NKAIN2: variants seen among roughly 807,000 people sequenced by gnomAD.
The protein encoded by NKAIN2 is sodium/potassium transporting ATPase interacting 2.
In NKAIN2, 14 loss-of-function variants were observed where a neutral mutation model predicts 32.6. That is an observed-to-expected ratio of 0.43 (90% CI 0.28 to 0.67). The LOEUF (loss-of-function observed/expected upper bound fraction) is 0.67, where lower values mean the gene tolerates loss of function less well. Among genes scored for constraint, NKAIN2 ranks in the 30% least tolerant of loss-of-function variants. The pLI, the probability that NKAIN2 is intolerant of heterozygous loss-of-function variation, is 0.17. For missense variants in NKAIN2, 198 were observed against 258.3 expected (o/e 0.77, Z 1.60); for synonymous variants, 80 against 87.2 (o/e 0.92, Z 0.46).
At chr6:124,268,541 T>C (rs1794607315) in intron 1 of NKAIN2, among the ~76,000 whole-genome samples, 1 of 151,422 alleles carries the variant, frequency 6.6e-6, no homozygotes, top group Non-Finnish European at 1.5e-5. Flanking sequence ...GAAAAAAAAC[T>C]CTATTACTTA....
intron 4 of NKAIN2, among the ~76,000 whole-genome samples, chr6:124,774,246 G>A (rs1483764777): frequency 6.6e-6 from 1 of 152,152 alleles, no homozygotes; most frequent in Non-Finnish European, 1.5e-5. Context: ...GGAGACAGCA[G>A]TGTAGATGGT....
Position 124,658,169 on chromosome 6 carries a change from A to T in NKAIN2, c.274-17A>T. ...TTTATAAAGTAATTCTCATCCTTGT[A>T]AATTGCCTTCTTGCAGGAAACAGAC... On this transcript the variant is annotated splice_polypyrimidine_tract_variant and intron_variant, in intron 3 of 6. Transcript: ENST00000368417. The T allele has an allele frequency of 6.4e-7, 1 of 1,557,444 alleles. No individual in the cohort carries two copies. Among genetic ancestry groups the T allele is most frequent in the Non-Finnish European group, 8.7e-7 (1 of 1,144,596 alleles).
intron 1 of NKAIN2, among the ~76,000 whole-genome samples, chr6:123,948,597 A>ATTTTTTTTTTT (rs71021472): frequency 1.6e-4 from 8 of 49,318 alleles, no homozygotes; most frequent in Non-Finnish European, 2.9e-4. Context: ...CTTAAATGGG[A>ATTTTTTTTTTT]TTTTTTTTTT....
chr6:124,135,007 A>G (rs957200314), intron 1 of NKAIN2, among the ~76,000 whole-genome samples: 1 of 152,150 alleles, frequency 6.6e-6, no homozygotes, highest in Non-Finnish European at 1.5e-5. Context: ...CTCAAACAAA[A>G]CAATTGGCAG....
intron 1 of NKAIN2, among the ~76,000 whole-genome samples, chr6:124,036,605 A>T (rs986762977): frequency 6.6e-6 from 1 of 152,052 alleles, no homozygotes; most frequent in African/African-American, 2.4e-5. Flanking sequence ...TCATCAGCTA[A>T]TCTCTCTCGT....
intron 3 of NKAIN2, among the ~76,000 whole-genome samples, chr6:124,453,589 C>T (rs1220765894): frequency 1.3e-5 from 2 of 151,948 alleles, no homozygotes; most frequent in African/African-American, 4.8e-5. Flanking sequence ...AATTCAGAGA[C>T]TATTAAAAGA....
chr6:124,784,131 A>G (rs184467327), intron 4 of NKAIN2, among the ~76,000 whole-genome samples: 3 of 152,316 alleles, frequency 2.0e-5, no homozygotes, highest in Admixed American at 1.3e-4. Context: ...AAACATAAAT[A>G]GAACTGTCCT....
intron 3 of NKAIN2, among the ~76,000 whole-genome samples, chr6:124,443,994 G>A (rs1034195936): frequency 4.0e-5 from 6 of 151,800 alleles, no homozygotes; most frequent in Admixed American, 1.3e-4. Flanking sequence ...GTATATAGCA[G>A]AGTTTTGGTT....
chr6:124,317,037 T>A (rs918922712), intron 2 of NKAIN2, among the ~76,000 whole-genome samples: 2 of 152,092 alleles, frequency 1.3e-5, no homozygotes, highest in African/African-American at 4.8e-5. Context: ...CGGTTGCATG[T>A]GCTTATAGTC....
intron 3 of NKAIN2, among the ~76,000 whole-genome samples, chr6:124,414,780 A>G (rs1343932298): frequency 6.6e-6 from 1 of 152,130 alleles, no homozygotes; most frequent in African/African-American, 2.4e-5. Context: ...TAAGTATTGA[A>G]TATGTTAGTC....
chr6:124,472,867 A>G (rs924093061), intron 3 of NKAIN2, among the ~76,000 whole-genome samples: 2 of 152,202 alleles, frequency 1.3e-5, no homozygotes, highest in African/African-American at 4.8e-5. Context: ...TTTTTTATGT[A>G]AAGAAAGAGA....
intron 2 of NKAIN2, among the ~76,000 whole-genome samples, chr6:124,311,454 T>C (rs1796710076): frequency 6.6e-6 from 1 of 152,152 alleles, no homozygotes; most frequent in African/African-American, 2.4e-5. Flanking sequence ...GATATGCTTC[T>C]GGGCCACCCT....
chr6:123,999,023 C>CAT (rs1779766059), intron 1 of NKAIN2, among the ~76,000 whole-genome samples: 1 of 151,288 alleles, frequency 6.6e-6, no homozygotes, highest in South Asian at 2.1e-4. Flanking sequence ...AGGAGCAAAG[C>CAT]ATAGGCTACT....
chr6:124,563,720 C>T (rs941177715), intron 3 of NKAIN2, among the ~76,000 whole-genome samples: 12 of 152,230 alleles, frequency 7.9e-5, no homozygotes, highest in African/African-American at 2.4e-4. Flanking sequence ...TGCAGTGGTG[C>T]GATTGCGATC....
chr6:124,316,514 T>C (rs1288836493), intron 2 of NKAIN2, among the ~76,000 whole-genome samples: 4 of 152,132 alleles, frequency 2.6e-5, no homozygotes. Flanking sequence ...GTTTATACAC[T>C]GAGTGTCCAA....
At position 124,713,089 on chromosome 6, in the gene NKAIN2, C is replaced by T. The variant is rs1030495945; in HGVS notation, c.474+54703C>T. On this transcript the variant is annotated intron_variant, in intron 4 of 6. Transcript: ENST00000368417. ...TTAAAATAATAATAATAATATCATA[C>T]ATTTATGGAGTGTTGCCTACATATA... Among the ~76,000 whole-genome samples the T allele has an allele frequency of 1.8e-4, 27 of 152,016 alleles. 1 individual carries two copies. The highest frequency in any genetic ancestry group is 1.3e-3 in the Admixed American group (20 of 15,264).
chr6:124,631,249 T>C (rs1458421780), intron 3 of NKAIN2, among the ~76,000 whole-genome samples: 2 of 152,162 alleles, frequency 1.3e-5, no homozygotes, highest in Non-Finnish European at 2.9e-5. Context: ...TAGTGCAGTA[T>C]TTAAGAGCTC....
intron 1 of NKAIN2, among the ~76,000 whole-genome samples, chr6:124,016,844 A>G (rs1202968541): frequency 6.6e-6 from 1 of 152,144 alleles, no homozygotes; most frequent in African/African-American, 2.4e-5. Context: ...CGCCTAAGGT[A>G]TGTATTGGAG....
intron 1 of NKAIN2, among the ~76,000 whole-genome samples, chr6:124,199,913 G>T (rs910489947): frequency 6.6e-6 from 1 of 152,066 alleles, no homozygotes; most frequent in African/African-American, 2.4e-5. Flanking sequence ...TCGAGAAAAA[G>T]TATAGTGTTG....
Sources: gnomAD v4.1 joint callset for allele counts (sites outside exome capture counted in the v4.1 genomes callset) on GRCh38, gnomAD v4.1.1 for gene constraint, MANE v1.5 for transcripts, NCBI Gene and HGNC (gene_info 2026-07-23, HGNC 2026-07-21) for gene names.